ALOX12B: variants seen among roughly 807,000 people sequenced by gnomAD.
ALOX12B encodes arachidonate 12-lipoxygenase, 12R type.
Under a neutral mutation model 78.9 loss-of-function variants are expected in ALOX12B, and 47 were observed. That is an observed-to-expected ratio of 0.60 (90% CI 0.47 to 0.76). The LOEUF is 0.76. ALOX12B is among the 30% of genes least tolerant of loss of function. The pLI, the probability that ALOX12B is intolerant of heterozygous loss-of-function variation, is 0.00. For synonymous variants in ALOX12B, 370 were observed against 374.5 expected, an observed-to-expected ratio of 0.99 and a Z score of 0.14; for missense variants, 805 against 922.6, an observed-to-expected ratio of 0.87 and a Z score of 1.65.
At chr17:8,076,825 G>C in intron 9 of ALOX12B, 82 bp from the exon 10 acceptor site, 1 of 1,476,574 alleles carries the variant, frequency 6.8e-7, no homozygotes, top group East Asian at 2.5e-5. Context: ...TGTAACGTCA[G>C]ATCTGCTCAC....
intron 11 of ALOX12B, 121 bp from the exon 12 acceptor site, chr17:8,075,837 G>A: frequency 6.6e-7 from 1 of 1,510,626 alleles, no homozygotes; most frequent in Non-Finnish European, 9.2e-7. Context: ...CCAGGCCTGT[G>A]GGAGGGCAAG....
chr17:8,075,805 C>T lies in ALOX12B; in HGVS notation c.1533-89G>A, dbSNP rs969005371. The T allele has an allele frequency of 3.1e-6, 5 of 1,608,172 alleles. No homozygotes were observed. In the African/African-American group the frequency reaches 6.7e-5, roughly 21 times the overall value. On this transcript the variant is annotated intron_variant, in intron 11 of 14. Coordinates refer to ENST00000647874, the MANE Select transcript of ALOX12B (RefSeq NM_001139.3). ...CCCACCTCCCCCAGGGTGCCCTGAC[C>T]TCAGTTGGCCCCAGAGCTGCCCCAG... is the stretch of plus-strand genomic sequence containing the variant.
At chr17:8,082,314 G>C (rs964080637) in intron 2 of ALOX12B, among the ~76,000 whole-genome samples, 1 of 152,170 alleles carries the variant, frequency 6.6e-6, no homozygotes, top group Non-Finnish European at 1.5e-5. Context: ...GGCTTGTGGG[G>C]TGCCTGTATA....
chr17:8,086,251 C>A, intron 1 of ALOX12B, 31 bp from the exon 2 acceptor site: 1 of 1,608,682 alleles, frequency 6.2e-7, no homozygotes, highest in Non-Finnish European at 8.5e-7. Flanking sequence ...GCTGAGTGGG[C>A]AGGACTTCAC....
At position 8,073,564 on chromosome 17, in the gene ALOX12B, T is replaced by G. The variant is rs1356056881; in HGVS notation, c.1755+93A>C. On this transcript the variant is annotated intron_variant, in intron 13 of 14. Transcript: ENST00000647874. ...GAACAAGTTGAGGCTGGACCAGGGATTATGGCTGAGGCTGGGTTTGAGGTT... is the reference window on the plus strand; with the variant it reads ...GAACAAGTTGAGGCTGGACCAGGGAGTATGGCTGAGGCTGGGTTTGAGGTT... 3 of 1,240,644 alleles carry G rather than the reference T, an allele frequency of 2.4e-6. No individual in the cohort carries two copies. The Admixed American group carries it at 5.6e-5, about 23-fold the overall frequency. The allele number at this position is 1,240,644 out of a possible 1,614,324, so 76.9% of individuals were successfully genotyped here.
At chr17:8,083,164 G>A (rs921080022) in intron 2 of ALOX12B, among the ~76,000 whole-genome samples, 1 of 151,970 alleles carries the variant, frequency 6.6e-6, no homozygotes, top group African/African-American at 2.4e-5. Context: ...TGGGGTATGT[G>A]TGTGATATAG....
At chr17:8,077,493 C>T (rs1009007850) in intron 8 of ALOX12B, among the ~76,000 whole-genome samples, 4 of 152,236 alleles carry the variant, frequency 2.6e-5, no homozygotes, top group Admixed American at 6.5e-5. Context: ...ACTTCAGCCA[C>T]ACCTCCACCA....
chr17:8,073,846 C>A, intron 12 of ALOX12B, 89 bp from the exon 13 acceptor site: 2 of 1,086,950 alleles, frequency 1.8e-6, no homozygotes, highest in South Asian at 2.6e-5. Flanking sequence ...CCGCTCTCAC[C>A]GTTTTGCAAA....
intron 14 of ALOX12B, 34 bp from the exon 15 acceptor site, chr17:8,072,984 G>A (rs1567980260): frequency 1.2e-6 from 2 of 1,601,264 alleles, no homozygotes; most frequent in East Asian, 2.2e-5. Flanking sequence ...TGGGACCAGG[G>A]CCGGCCAGCA....
intron 2 of ALOX12B, among the ~76,000 whole-genome samples, chr17:8,081,778 G>A (rs1567983903): frequency 6.6e-6 from 1 of 152,066 alleles, no homozygotes. Context: ...GAGTAGGTGG[G>A]ATTACAGGTG....
chr17:8,079,622 C>G lies in ALOX12B; in HGVS notation c.928-83G>C. ...GCGCCGCAGGTGCACAGGGCGCTGG[C>G]GACTAGGGGCAGGGGTGGGACGGGG... On this transcript the variant is annotated intron_variant, in intron 7 of 14. Coordinates refer to ENST00000647874, the MANE Select transcript of ALOX12B (RefSeq NM_001139.3). This position sits in a 1 kb window ranked among gnomAD's most constrained non-coding sequence, Gnocchi z 6.4. 1 of 1,536,280 alleles carries G rather than the reference C, an allele frequency of 6.5e-7. No homozygotes were observed. The highest frequency in any genetic ancestry group is 8.8e-7 in the Non-Finnish European group (1 of 1,138,040).
At chr17:8,075,824 G>T (rs987935405) in intron 11 of ALOX12B, 108 bp from the exon 12 acceptor site, 2 of 1,578,164 alleles carry the variant, frequency 1.3e-6, no homozygotes, top group Non-Finnish European at 1.7e-6. Context: ...CCCCAGAGCT[G>T]CCCCAGGCCT....
At position 8,073,757 on chromosome 17, in the gene ALOX12B, C is replaced by A; in HGVS notation, c.1655G>T (p.Gly552Val). The A allele has an allele frequency of 6.2e-7, 1 of 1,613,668 alleles. No individual in the cohort carries two copies. The highest frequency in any genetic ancestry group is 8.5e-7 in the Non-Finnish European group (1 of 1,179,712). The change falls in exon 13 of 15, where the codon GGC (glycine) becomes GTC (valine). Residue 552 changes from glycine to valine, a missense_variant and splice_region_variant. Physicochemically the swap from Gly to Val is moderately radical, Grantham distance 109. Transcript: ENST00000647874. The stretch of plus-strand genomic sequence containing the variant: ...CACGGTTCGCAAGCACCTAGGGAAG[C>A]CTGACCGGCGGGGGAAAAGCCCAGG... ...KECLLGRESSGFPRCLRTVPE... is the reference protein window; with the variant it reads ...KECLLGRESSVFPRCLRTVPE...
At chr17:8,081,987 C>T (rs1331887982) in intron 2 of ALOX12B, among the ~76,000 whole-genome samples, 2 of 152,156 alleles carry the variant, frequency 1.3e-5, no homozygotes, top group Non-Finnish European at 2.9e-5. Context: ...TGAGAACATT[C>T]GGTATTTGAC....
In ALOX12B at chr17:8,080,222, C is replaced by G; in HGVS notation, c.754+13G>C. On this transcript the variant is annotated intron_variant, in intron 6 of 14. Transcript: ENST00000647874. The surrounding 1 kb of genome is among the most constrained non-coding windows in gnomAD (Gnocchi z 4.8). ...GGCTCCCCCTGCTCGATCCGGGACG[C>G]CCCATTCCATACCGGAGACGACAGA... 1 of 1,612,596 alleles carries G rather than the reference C, an allele frequency of 6.2e-7. No individual in the cohort carries two copies. The highest frequency in any genetic ancestry group is 1.1e-5 in the South Asian group (1 of 91,056).
intron 11 of ALOX12B, among the ~76,000 whole-genome samples, chr17:8,075,956 G>A (rs534848541): frequency 7.9e-5 from 12 of 152,296 alleles, no homozygotes; most frequent in East Asian, 1.9e-4. Context: ...TCCCAGAAGC[G>A]ATTTGGCCAG....
At chr17:8,085,720 G>A (rs1978294808) in intron 2 of ALOX12B, among the ~76,000 whole-genome samples, 2 of 152,314 alleles carry the variant, frequency 1.3e-5, no homozygotes, top group Admixed American at 6.5e-5. Context: ...AGTCAGGGAG[G>A]ACTGGAGAGG....
rs1375405177 is a variant in ALOX12B at position 8,083,708 on chromosome 17, G to A, written c.352+2308C>T. Reference sequence around the variant, plus strand: ...CATGCCACTGCACTCCAGCCTGGGTGACGAAGCGAGACTCTGTCTCAAAAG... The same window carrying A: ...CATGCCACTGCACTCCAGCCTGGGTAACGAAGCGAGACTCTGTCTCAAAAG... On this transcript the variant is annotated intron_variant, in intron 2 of 14. Transcript: ENST00000647874. Among the ~76,000 whole-genome samples the A allele has an allele frequency of 1.1e-4, 16 of 151,302 alleles. 1 individual carries two copies. Among genetic ancestry groups the A allele is most frequent in the Admixed American group, 1.1e-3 (16 of 15,158 alleles).
chr17:8,075,123 T>C (rs1977054425), intron 12 of ALOX12B, among the ~76,000 whole-genome samples: 1 of 152,012 alleles, frequency 6.6e-6, no homozygotes, highest in South Asian at 2.1e-4. Flanking sequence ...TCTTTTTCCC[T>C]TTTGCCTCCT....
Sources: allele counts gnomAD v4.1 joint callset (sites outside exome capture counted in the v4.1 genomes callset), GRCh38; gene constraint gnomAD v4.1.1; non-coding constraint Gnocchi (gnomAD v3.1); transcripts MANE v1.5; gene names NCBI Gene and HGNC (gene_info 2026-07-23, HGNC 2026-07-21).